The following ATP10B variants were observed in gnomAD, a reference collection of about 807,000 sequenced individuals.
ATP10B encodes the protein ATPase phospholipid transporting 10B (putative).
ATP10B carries 122 observed loss-of-function variants against 141.2 expected under a neutral mutation model. The ratio of observed to expected loss-of-function variants is 0.86; its 90% CI spans 0.75 to 1.00. The LOEUF is 1.00. Ranked by LOEUF, ATP10B falls within the 50% of genes least tolerant of loss-of-function variation. ATP10B has a pLI of 0.00. For synonymous variants in ATP10B, 685 were observed against 692.0 expected (o/e 0.99, Z 0.16); for missense variants, 1,876 against 1,825.3 (o/e 1.03, Z -0.51).
chr5:160,872,350 T>G, the ATP10B span, among the ~76,000 whole-genome samples: 1 of 152,358 alleles, frequency 6.6e-6, no homozygotes, highest in East Asian at 1.9e-4. Flanking sequence ...TGCTGACTGT[T>G]CCTTTTGCCA....
At chr5:160,595,786 A>T (rs1756644423) in intron 22 of ATP10B, among the ~76,000 whole-genome samples, 1 of 151,706 alleles carries the variant, frequency 6.6e-6, no homozygotes, top group South Asian at 2.1e-4. Context: ...ACACTAGAAA[A>T]TCTAGAAGAA....
intron 1 of ATP10B, among the ~76,000 whole-genome samples, chr5:160,807,361 A>G (rs553956609): frequency 1.3e-5 from 2 of 152,272 alleles, no homozygotes; most frequent in South Asian, 4.1e-4. Context: ...TAGATTACCT[A>G]TTCAAAATGG....
At chr5:160,878,875 G>T in the ATP10B span, among the ~76,000 whole-genome samples, 1 of 148,866 alleles carries the variant, frequency 6.7e-6, no homozygotes, top group Non-Finnish European at 1.5e-5. Context: ...TCATTAAAAA[G>T]TCAGGAAACA....
At chr5:160,926,594 C>T in the ATP10B span, among the ~76,000 whole-genome samples, 2 of 152,190 alleles carry the variant, frequency 1.3e-5, no homozygotes, top group South Asian at 2.1e-4. Flanking sequence ...AAACGCTTAA[C>T]ACCCATTACA....
chr5:160,671,665 T>C (rs957861785), intron 6 of ATP10B, among the ~76,000 whole-genome samples: 2 of 152,226 alleles, frequency 1.3e-5, no homozygotes, highest in South Asian at 2.1e-4. Context: ...GCTGAGATAA[T>C]AGTGACAGGA....
chr5:160,706,240 G>T (rs893793462), intron 3 of ATP10B, among the ~76,000 whole-genome samples: 2 of 152,214 alleles, frequency 1.3e-5, no homozygotes, highest in South Asian at 2.1e-4. Context: ...CACAAAACCA[G>T]CACATGCTGT....
chr5:160,657,004 G>C (rs973076551), intron 7 of ATP10B, among the ~76,000 whole-genome samples: 15 of 152,150 alleles, frequency 9.9e-5, no homozygotes, highest in Non-Finnish European at 1.9e-4. Context: ...ATACCAAGGA[G>C]AGCCACCACA....
chr5:160,787,107 C>CACACAG (rs1771212458), intron 1 of ATP10B, among the ~76,000 whole-genome samples: 1 of 17,296 alleles, frequency 5.8e-5, no homozygotes, highest in Non-Finnish European at 1.1e-4. Context: ...TTGACACAGA[C>CACACAG]ACACACACAC....
At chr5:160,882,155 T>C in the ATP10B span, among the ~76,000 whole-genome samples, 1 of 152,154 alleles carries the variant, frequency 6.6e-6, no homozygotes, top group South Asian at 2.1e-4. Context: ...AGTGAAAATG[T>C]TTTTTGTGAT....
chr5:160,615,436 C>G (rs1044786573), intron 17 of ATP10B, among the ~76,000 whole-genome samples: 6 of 151,142 alleles, frequency 4.0e-5, no homozygotes, highest in African/African-American at 1.5e-4. Context: ...AAATTGCTTG[C>G]TCGATCATCT....
Position 160,814,402 on chromosome 5 carries a change from G to C in ATP10B, c.-575-28599C>G, listed in dbSNP as rs549505388. Among the ~76,000 whole-genome samples the C allele has an allele frequency of 9.2e-5, 14 of 152,276 alleles. No homozygotes were observed. In the South Asian group the frequency reaches 2.9e-3, roughly 32 times the overall value. On this transcript the variant is annotated intron_variant, in intron 1 of 25. Coordinates refer to ENST00000327245, the MANE Select transcript of ATP10B (RefSeq NM_025153.3). ...GGGTATCAGTGATGGAAGATCAAAT[G>C]AATGAAATGAAGTGAGAAGAGAAGT...
At position 160,791,435 on chromosome 5, in the gene ATP10B, C is replaced by A. The variant is rs149489797; in HGVS notation, c.-575-5632G>T. Among the ~76,000 whole-genome samples the A allele has an allele frequency of 4.8e-4, 73 of 152,156 alleles. 1 individual carries two copies. In the East Asian group the frequency reaches 0.011, roughly 24 times the overall value. ...GTGTCATTAAACATGGCAGAAAACCCAAAATGACAGTGACTTGAACACCTA... is the reference window on the plus strand; with the variant it reads ...GTGTCATTAAACATGGCAGAAAACCAAAAATGACAGTGACTTGAACACCTA... On this transcript the variant is annotated intron_variant, in intron 1 of 25. Transcript: ENST00000327245.
chr5:160,654,186 A>G (rs1054946463), intron 7 of ATP10B, among the ~76,000 whole-genome samples: 2 of 151,406 alleles, frequency 1.3e-5, no homozygotes, highest in African/African-American at 4.9e-5. Context: ...GATGGTCTCA[A>G]ACTCCTGAGC....
At chr5:160,921,031 T>C in the ATP10B span, among the ~76,000 whole-genome samples, 1 of 152,150 alleles carries the variant, frequency 6.6e-6, no homozygotes, top group Non-Finnish European at 1.5e-5. Flanking sequence ...TAGTAAGCAG[T>C]GAACAAAGAC....
At chr5:160,808,966 C>T (rs1425200443) in intron 1 of ATP10B, among the ~76,000 whole-genome samples, 1 of 152,172 alleles carries the variant, frequency 6.6e-6, no homozygotes, top group African/African-American at 2.4e-5. Context: ...TGCTGGCAGT[C>T]TCTAGTATTC....
intron 1 of ATP10B, among the ~76,000 whole-genome samples, chr5:160,812,574 A>G (rs759514303): frequency 2.6e-5 from 4 of 152,200 alleles, no homozygotes; most frequent in Non-Finnish European, 4.4e-5. Flanking sequence ...AAAGGAATCA[A>G]GCAGAAATTC....
intron 2 of ATP10B, among the ~76,000 whole-genome samples, chr5:160,740,809 T>C (rs942669273): frequency 2.6e-5 from 4 of 152,216 alleles, no homozygotes; most frequent in African/African-American, 9.7e-5. Context: ...CACTTGGGCA[T>C]TGCAAACAGT....
chr5:160,700,073 G>A (rs1171781170), intron 3 of ATP10B, among the ~76,000 whole-genome samples: 2 of 152,064 alleles, frequency 1.3e-5, no homozygotes, highest in East Asian at 1.9e-4. Context: ...AAAAGCCACA[G>A]GAAAGAGTGG....
chr5:160,669,328 T>C (rs1387556554), intron 7 of ATP10B, among the ~76,000 whole-genome samples: 1 of 152,212 alleles, frequency 6.6e-6, no homozygotes, highest in African/African-American at 2.4e-5. Context: ...TCTTCAAAAC[T>C]ACCCTATGGA....
Sources: allele counts gnomAD v4.1 joint callset (sites outside exome capture counted in the v4.1 genomes callset), GRCh38; gene constraint gnomAD v4.1.1; transcripts MANE v1.5; gene names NCBI Gene and HGNC (gene_info 2026-07-23, HGNC 2026-07-21).